SGCD: variants seen among roughly 807,000 people sequenced by gnomAD.
SGCD encodes the protein delta-sarcoglycan.
In SGCD, 18 loss-of-function variants were observed where a neutral mutation model predicts 36.6. That is an observed-to-expected ratio of 0.49 (90% CI 0.34 to 0.73). The LOEUF (loss-of-function observed/expected upper bound fraction) is 0.73. Ranked by LOEUF, SGCD falls within the 30% of genes least tolerant of loss-of-function variation. The pLI is 0.01. For synonymous variants in SGCD, 133 were observed against 130.6 expected (o/e 1.02, Z -0.12); for missense variants, 387 against 346.7 (o/e 1.12, Z -0.92).
intron 7 of SGCD, among the ~76,000 whole-genome samples, chr5:156,750,382 A>C (rs1283980130): frequency 6.6e-6 from 1 of 152,154 alleles, no homozygotes; most frequent in African/African-American, 2.4e-5. Context: ...AAAAAAGAAA[A>C]AGAATTAGTA....
At chr5:155,902,481 C>G (rs1209814703) in intron 1 of SGCD, among the ~76,000 whole-genome samples, 1 of 151,910 alleles carries the variant, frequency 6.6e-6, no homozygotes, top group Non-Finnish European at 1.5e-5. Flanking sequence ...TGAAGAAGCA[C>G]AGGTTCGTTA....
chr5:156,716,660 T>A (rs1475505758), intron 7 of SGCD, among the ~76,000 whole-genome samples: 1 of 152,234 alleles, frequency 6.6e-6, no homozygotes, highest in Non-Finnish European at 1.5e-5. Context: ...GCCAGTTCAC[T>A]ATGGTGTTTT....
intron 3 of SGCD, among the ~76,000 whole-genome samples, chr5:156,192,562 G>A (rs945014687): frequency 6.6e-6 from 1 of 152,026 alleles, no homozygotes; most frequent in Admixed American, 6.6e-5. Flanking sequence ...TGACAGTAGA[G>A]TAGGGTGACT....
chr5:156,024,429 T>G (rs112665988), intron 1 of SGCD, among the ~76,000 whole-genome samples: 5 of 150,690 alleles, frequency 3.3e-5, no homozygotes, highest in African/African-American at 1.2e-4. Flanking sequence ...ACAGATAAAA[T>G]TCAGTTTTTT....
chr5:156,329,657 A>G, intron 2 of SGCD, 78 bp downstream of exon 2: 1 of 1,330,408 alleles, frequency 7.5e-7, no homozygotes. Context: ...CTTTTGAAAA[A>G]GAGAACAAAG....
At chr5:156,188,890 T>G (rs1249566719) in intron 3 of SGCD, among the ~76,000 whole-genome samples, 2 of 152,160 alleles carry the variant, frequency 1.3e-5, no homozygotes, top group Admixed American at 1.3e-4. Flanking sequence ...TCAACAGAAT[T>G]CCTCTTCTCC....
At chr5:156,612,338 C>T (rs1417480309) in intron 6 of SGCD, among the ~76,000 whole-genome samples, 1 of 152,214 alleles carries the variant, frequency 6.6e-6, no homozygotes, top group East Asian at 1.9e-4. Context: ...CAGCTGAAAA[C>T]TTTGTCAGTG....
chr5:156,239,885 G>A (rs966729206), intron 3 of SGCD, among the ~76,000 whole-genome samples: 1 of 152,186 alleles, frequency 6.6e-6, no homozygotes, highest in Non-Finnish European at 1.5e-5. Flanking sequence ...GTAGTTTGCT[G>A]AGACTCCTTT....
chr5:156,083,369 A>T (rs1211546543), intron 1 of SGCD, among the ~76,000 whole-genome samples: 1 of 149,520 alleles, frequency 6.7e-6, no homozygotes, highest in Non-Finnish European at 1.5e-5. Flanking sequence ...ATCTCGGCTC[A>T]CTGCAGCCTC....
At chr5:156,673,117 C>T (rs1442520612) in intron 7 of SGCD, among the ~76,000 whole-genome samples, 1 of 152,160 alleles carries the variant, frequency 6.6e-6, no homozygotes, top group Non-Finnish European at 1.5e-5. Context: ...CATTACAAAT[C>T]CATTCCCCTC....
At chr5:156,154,609 G>C (rs1762906501) in intron 3 of SGCD, among the ~76,000 whole-genome samples, 1 of 151,556 alleles carries the variant, frequency 6.6e-6, no homozygotes. Flanking sequence ...ACTGCACTTA[G>C]TGCTTTATTT....
the SGCD span, among the ~76,000 whole-genome samples, chr5:155,840,586 G>GC: frequency 0.012 from 1,341 of 109,240 alleles, 21 homozygotes; most frequent in African/African-American, 0.048. Flanking sequence ...ACTGCACCCG[G>GC]CTTGTGTGTG....
intron 3 of SGCD, among the ~76,000 whole-genome samples, chr5:156,150,188 T>C (rs1762801740): frequency 6.8e-6 from 1 of 147,846 alleles, no homozygotes; most frequent in Admixed American, 6.7e-5. Context: ...CTACTCTTTT[T>C]GCAACTCCTT....
At chr5:156,431,727 G>GTT (rs565097002) in intron 3 of SGCD, among the ~76,000 whole-genome samples, 2 of 151,872 alleles carry the variant, frequency 1.3e-5, no homozygotes, top group South Asian at 4.2e-4. Flanking sequence ...GTTTTGTTTT[G>GTT]TTTTTTGGAC....
chr5:155,958,018 AG>A lies in SGCD; in HGVS notation c.-282+87596del, dbSNP rs1757702233. 2.6e-5 allele frequency among the ~76,000 whole-genome samples: 4 copies of A among 152,050 alleles called. No individual in the cohort carries two copies. In the South Asian group the frequency reaches 8.3e-4, roughly 31 times the overall value. On this transcript the variant is annotated intron_variant, in intron 1 of 9. Transcript: ENST00000517913. ...GGAAGAAGGAAAGTCAACAGCTGGGAGGTGCCAAGGGCTTGAAAAGAGAGAC... is the reference window on the plus strand; with the variant it reads ...GGAAGAAGGAAAGTCAACAGCTGGGAGTGCCAAGGGCTTGAAAAGAGAGAC...
chr5:155,970,501 C>T (rs997700050), intron 1 of SGCD, among the ~76,000 whole-genome samples: 1 of 152,132 alleles, frequency 6.6e-6, no homozygotes, highest in Non-Finnish European at 1.5e-5. Context: ...AAAGGATTTA[C>T]TTCAGTGAAG....
At chr5:156,346,700 A>G (rs1311851443) in intron 3 of SGCD, among the ~76,000 whole-genome samples, 3 of 152,232 alleles carry the variant, frequency 2.0e-5, no homozygotes, top group Non-Finnish European at 4.4e-5. Context: ...CATCCAAGGT[A>G]ATAGTTCTAG....
At chr5:156,411,866 C>T (rs1022560207) in intron 3 of SGCD, among the ~76,000 whole-genome samples, 1 of 151,764 alleles carries the variant, frequency 6.6e-6, no homozygotes, top group East Asian at 1.9e-4. Flanking sequence ...GTCCTTCTTG[C>T]TTAACAGGGT....
At chr5:156,587,008 A>G (rs974417097) in intron 4 of SGCD, among the ~76,000 whole-genome samples, 2 of 152,280 alleles carry the variant, frequency 1.3e-5, no homozygotes, top group African/African-American at 2.4e-5. Flanking sequence ...AACAGAAACT[A>G]AAAGAGAAAT....
Sources: gnomAD v4.1 joint callset for allele counts (sites outside exome capture counted in the v4.1 genomes callset) on GRCh38, gnomAD v4.1.1 for gene constraint, MANE v1.5 for transcripts, NCBI Gene and HGNC (gene_info 2026-07-23, HGNC 2026-07-21) for gene names.